The following COL4A3 variants were observed in gnomAD, a reference collection of about 807,000 sequenced individuals.
The protein encoded by COL4A3 is collagen type IV alpha 3 chain, also known as collagen alpha-3(IV) chain.
Under a neutral mutation model 217.4 loss-of-function variants are expected in COL4A3, and 135 were observed. The observed-to-expected ratio is 0.62, with a 90% CI of 0.54 to 0.72. The LOEUF is 0.72. COL4A3 is among the 30% of genes least tolerant of loss of function. COL4A3 has a pLI of 0.00. For missense variants in COL4A3, 1,868 were observed against 2,119.9 expected, an observed-to-expected ratio of 0.88 and a Z score of 2.33; for synonymous variants, 690 against 736.3, an observed-to-expected ratio of 0.94 and a Z score of 1.02.
At chr2:227,299,604 G>T (rs1318711915) in intron 43 of COL4A3, among the ~76,000 whole-genome samples, 1 of 152,196 alleles carries the variant, frequency 6.6e-6, no homozygotes, top group Non-Finnish European at 1.5e-5. Flanking sequence ...GTTAGTACAA[G>T]AGTACTATTA....
chr2:227,229,905 G>T (rs1388306066), intron 1 of COL4A3, among the ~76,000 whole-genome samples: 2 of 151,992 alleles, frequency 1.3e-5, no homozygotes, highest in Admixed American at 1.3e-4. Flanking sequence ...CAAAAAATTA[G>T]CTGGGCGTGG....
chr2:227,190,893 A>G (rs1375186794), intron 1 of COL4A3, among the ~76,000 whole-genome samples: 1 of 152,198 alleles, frequency 6.6e-6, no homozygotes, highest in Non-Finnish European at 1.5e-5. Context: ...GGTAACAGTA[A>G]TATGTCATAA....
chr2:227,210,384 A>T lies in COL4A3; in HGVS notation c.88-27584A>T, dbSNP rs2067266485. Among the ~76,000 whole-genome samples, 2 of 152,162 alleles carry T rather than the reference A, an allele frequency of 1.3e-5. 1 individual carries two copies. The highest frequency in any genetic ancestry group is 2.9e-5 in the Non-Finnish European group (2 of 68,024). On this transcript the variant is annotated intron_variant, in intron 1 of 51. Transcript: ENST00000396578. ...CGCAGGCAGATCACCTGAGGTCAGA[A>T]GTTCAAGACCAGCCTGGCCAACATG...
In COL4A3 at chr2:227,254,687, A is replaced by G; in HGVS notation, c.860A>G (p.Lys287Arg). Reference sequence around the variant, plus strand: ...CCTGGAGAATCATATGGATCTGAAAAGGGTGCTCCTGGAGACCCTGGCCTG... The same window carrying G: ...CCTGGAGAATCATATGGATCTGAAAGGGGTGCTCCTGGAGACCCTGGCCTG... ...GLPGESYGSE[K>R]GAPGDPGLQG... Residue 287 changes from lysine to arginine, a missense_variant, in exon 15 of 52, where the codon AAG (lysine) becomes AGG (arginine). Lys to Arg is a conservative substitution (Grantham distance 26). This residue lies in a region of COL4A3 where 1,503 missense variants were observed against 1,786.1 expected (regional missense o/e 0.84). Coordinates refer to ENST00000396578, the MANE Select transcript of COL4A3 (RefSeq NM_000091.5). The G allele has an allele frequency of 6.2e-7, 1 of 1,613,640 alleles. No homozygotes were observed. The highest frequency in any genetic ancestry group is 8.5e-7 in the Non-Finnish European group (1 of 1,179,550).
intron 1 of COL4A3, among the ~76,000 whole-genome samples, chr2:227,205,320 C>T (rs116225101): frequency 0.011 from 1,735 of 152,064 alleles, 32 homozygotes; most frequent in African/African-American, 0.038. Context: ...AGTGTATATA[C>T]GATATTCTAT....
chr2:227,244,691 T>C (rs150993237), intron 4 of COL4A3: 8 of 647,906 alleles, frequency 1.2e-5, no homozygotes, highest in African/African-American at 3.6e-5. Flanking sequence ...GAGCACTTCA[T>C]TGCATGCAAA....
At chr2:227,306,279 G>A (rs559244142) in intron 47 of COL4A3, among the ~76,000 whole-genome samples, 1 of 152,270 alleles carries the variant, frequency 6.6e-6, no homozygotes, top group African/African-American at 2.4e-5. Flanking sequence ...ATGACAAAGG[G>A]ATCTAAGAGT....
intron 2 of COL4A3, among the ~76,000 whole-genome samples, chr2:227,239,434 C>T (rs1361924607): frequency 2.0e-5 from 3 of 152,024 alleles, no homozygotes; most frequent in African/African-American, 4.8e-5. Flanking sequence ...AATCCCCCAC[C>T]GACACTGAGG....
chr2:227,245,068 C>T lies in COL4A3; in HGVS notation c.324+73C>T, dbSNP rs6750210. On this transcript the variant is annotated intron_variant, in intron 5 of 51. Coordinates refer to ENST00000396578, the MANE Select transcript of COL4A3 (RefSeq NM_000091.5). ...ATTTTAATAAAGATGTTAAAACAGT[C>T]GTGCAAGAAAATGTGTTCTGATGCA... is the stretch of plus-strand genomic sequence containing the variant. The T allele has an allele frequency of 0.8, 1,146,055 of 1,424,846 alleles. 464,870 individuals are homozygous for T. Among genetic ancestry groups the T allele is most frequent in the East Asian group, 0.89 (39,092 of 43,878 alleles). 88.3% of individuals were successfully genotyped at this position (1,424,846 alleles called of 1,614,324 possible). A position where few individuals can be genotyped will look rare whatever the true frequency, so the allele number is the denominator to read the frequency against.
At chr2:227,293,411 T>C in intron 38 of COL4A3, 94 bp downstream of exon 38, 38 of 1,414,684 alleles carry the variant, frequency 2.7e-5, no homozygotes, top group Non-Finnish European at 3.6e-5. Context: ...CTATTTATAC[T>C]TTTATGCTGC....
intron 23 of COL4A3, among the ~76,000 whole-genome samples, chr2:227,267,970 T>C (rs2071012962): frequency 6.6e-6 from 1 of 152,174 alleles, no homozygotes; most frequent in Non-Finnish European, 1.5e-5. Flanking sequence ...GAACTGCCTA[T>C]GGGCAAAACT....
chr2:227,180,379 C>A (rs1412980516), intron 1 of COL4A3, among the ~76,000 whole-genome samples: 1 of 152,164 alleles, frequency 6.6e-6, no homozygotes, highest in Non-Finnish European at 1.5e-5. Context: ...ACTGTCTGTG[C>A]CTGGGACTGT....
At chr2:227,172,581 CTTTTTTTTTTTTT>C (rs11315628) in intron 1 of COL4A3, among the ~76,000 whole-genome samples, 1 of 73,596 alleles carries the variant, frequency 1.4e-5, no homozygotes, top group African/African-American at 5.7e-5. Context: ...TCGTCTTCTT[CTTTTTTTTTTTTT>C]TTTTTTTTTT....
chr2:227,192,104 C>T (rs72975949), intron 1 of COL4A3, among the ~76,000 whole-genome samples: 7,464 of 152,290 alleles, frequency 0.049, 264 homozygotes, highest in East Asian at 0.17. Context: ...TTTTATCTCT[C>T]TTTGCTTTTG....
chr2:227,270,434 T>C (rs987838272), intron 24 of COL4A3, among the ~76,000 whole-genome samples: 3 of 152,228 alleles, frequency 2.0e-5, no homozygotes, highest in Non-Finnish European at 4.4e-5. Context: ...CAAAAAGTTA[T>C]AGATAAATAT....
chr2:227,298,695 C>T lies in COL4A3; in HGVS notation c.3765C>T (p.Pro1255=). The change falls in exon 43 of 52, where the codon CCC becomes CCT. Residue 1255 remains proline, a synonymous_variant. Transcript: ENST00000396578. ...GSRGSPGAPG[P]PGPPGSHVIG... is the part of the protein sequence containing the mutation. The stretch of plus-strand genomic sequence containing the variant: ...TCATGAATTCAGGTGCGCCTGGTCC[C>T]CCTGGACCTCCAGGGAGTCATGTAA... The T allele has an allele frequency of 6.2e-7, 1 of 1,614,014 alleles. No individual in the cohort carries two copies. The highest frequency in any genetic ancestry group is 1.7e-5 in the Admixed American group (1 of 60,012).
At chr2:227,184,902 T>C (rs531697679) in intron 1 of COL4A3, among the ~76,000 whole-genome samples, 1 of 132,212 alleles carries the variant, frequency 7.6e-6, no homozygotes, top group East Asian at 2.1e-4. Flanking sequence ...TTTTTTTTTT[T>C]TTTTTTTTTT....
chr2:227,307,748 A>C lies in COL4A3; in HGVS notation c.4291A>C (p.Lys1431Gln). 5 of 1,614,234 alleles carry C rather than the reference A, an allele frequency of 3.1e-6. No homozygotes were observed. The highest frequency in any genetic ancestry group is 4.2e-6 in the Non-Finnish European group (5 of 1,180,042). ...AGATGGATTGCCAGGTTTGAAAGGAAAACGTGGAGACAGTGGATCACCTGC... is the reference window on the plus strand; with the variant it reads ...AGATGGATTGCCAGGTTTGAAAGGACAACGTGGAGACAGTGGATCACCTGC... ...GSDGLPGLKG[K>Q]RGDSGSPATW... Residue 1431 changes from lysine to glutamine, a missense_variant, in exon 48 of 52, where the codon AAA (lysine) becomes CAA (glutamine). By Grantham distance (53) the Lys-to-Gln change is moderately conservative (BLOSUM62 1). Transcript: ENST00000396578.
intron 37 of COL4A3, among the ~76,000 whole-genome samples, chr2:227,292,899 G>A (rs2072831928): frequency 6.6e-6 from 1 of 152,198 alleles, no homozygotes; most frequent in Non-Finnish European, 1.5e-5. Flanking sequence ...TACCAGTGCA[G>A]TCACAGAAAT....
Sources: allele counts gnomAD v4.1 joint callset (sites outside exome capture counted in the v4.1 genomes callset), GRCh38; gene constraint gnomAD v4.1.1; regional missense constraint gnomAD v4.1.1; transcripts MANE v1.5; gene names NCBI Gene and HGNC (gene_info 2026-07-23, HGNC 2026-07-21).